Variants in NIPA2 observed in about 807,000 individuals in gnomAD.
NIPA2 encodes NIPA magnesium transporter 2, also known as magnesium transporter NIPA2.
A neutral mutation model predicts 29.7 loss-of-function variants in NIPA2; 11 were observed. That is an observed-to-expected ratio of 0.37 (90% CI 0.23 to 0.61). The LOEUF is 0.61. Among genes scored for constraint, NIPA2 ranks in the 20% least tolerant of loss-of-function variants. The probability of loss-of-function intolerance (pLI) is 0.66; values close to 1 mark genes in which losing one functional copy is unlikely to be tolerated. For synonymous variants in NIPA2, 183 were observed against 161.9 expected, an observed-to-expected ratio of 1.13 and a Z score of -0.99; for missense variants, 426 against 437.9, an observed-to-expected ratio of 0.97 and a Z score of 0.24.
chr15:22,840,155 A>G (rs1308281389), intron 2 of NIPA2, among the ~76,000 whole-genome samples: 3 of 151,932 alleles, frequency 2.0e-5, no homozygotes, highest in African/African-American at 7.3e-5. Context: ...TTCTGGACTT[A>G]AGCGATCCAA....
intron 7 of NIPA2, among the ~76,000 whole-genome samples, chr15:22,864,778 G>C (rs192875704): frequency 6.6e-6 from 1 of 152,152 alleles, no homozygotes; most frequent in African/African-American, 2.4e-5. Context: ...TTATCACAGC[G>C]GATGTGTAGG....
intron 3 of NIPA2, among the ~76,000 whole-genome samples, chr15:22,850,867 C>A (rs907454715): frequency 6.6e-6 from 1 of 152,216 alleles, no homozygotes; most frequent in Non-Finnish European, 1.5e-5. Context: ...GAAAGCTGAT[C>A]TGGCAGTTAG....
chr15:22,866,926 T>A lies in NIPA2; in HGVS notation c.*79T>A, dbSNP rs1367961051. The A allele has an allele frequency of 2.3e-6, 3 of 1,321,436 alleles. No homozygotes were observed. The highest frequency in any genetic ancestry group is 2.3e-5 in the East Asian group (1 of 43,108). The allele number at this position is 1,321,436 out of a possible 1,614,324, so 81.9% of individuals were successfully genotyped here. A position where few individuals can be genotyped will look rare whatever the true frequency, so the allele number is the denominator to read the frequency against. ...CATCAGAATGTGTCTGAAAAAACAT[T>A]GTCCTCAAATAATGTTCTTTAAAGG... On this transcript the variant is annotated 3_prime_UTR_variant, in exon 8 of 8. Transcript: ENST00000337451.
Position 22,845,195 on chromosome 15 carries a change from G to A in NIPA2, c.-166G>A, listed in dbSNP as rs1681275075. The A allele has an allele frequency of 6.6e-6, 1 of 152,190 alleles. No homozygotes were observed. Among genetic ancestry groups the A allele is most frequent in the Admixed American group, 6.5e-5 (1 of 15,282 alleles). 9.4% of individuals were successfully genotyped at this position (152,190 alleles called of 1,614,324 possible). ...CAGTTACAGAGAGAGGGAGCAGAGTGGGACCAGGTCTGAGAATAGTGAAGC... is the reference window on the plus strand; with the variant it reads ...CAGTTACAGAGAGAGGGAGCAGAGTAGGACCAGGTCTGAGAATAGTGAAGC... On this transcript the variant is annotated 5_prime_UTR_variant, in exon 3 of 8. An upstream open reading frame in the 5' UTR gains an earlier in-frame stop. Transcript: ENST00000337451.
At chr15:22,855,392 G>A (rs991551018) in intron 5 of NIPA2, among the ~76,000 whole-genome samples, 18 of 151,988 alleles carry the variant, frequency 1.2e-4, no homozygotes, top group Non-Finnish European at 1.6e-4. Context: ...ACTCCAGCCT[G>A]GGCAACAAGA....
At chr15:22,839,022 C>T (rs990518523) in intron 1 of NIPA2, 101 bp downstream of exon 1, 2 of 152,248 alleles carry the variant, frequency 1.3e-5, no homozygotes, top group African/African-American at 4.8e-5. Flanking sequence ...GGCAACTTTC[C>T]TTTCCGGGTG....
At chr15:22,856,069 G>A (rs1236249786) in intron 5 of NIPA2, among the ~76,000 whole-genome samples, 1 of 152,168 alleles carries the variant, frequency 6.6e-6, no homozygotes, top group Admixed American at 6.5e-5. Flanking sequence ...TTTGAGAGAA[G>A]CCAGCTGCTG....
At position 22,866,780 on chromosome 15, in the gene NIPA2, C is replaced by T; in HGVS notation, c.1016C>T (p.Thr339Ile). The change falls in exon 8 of 8, where the codon ACC becomes ATC. Residue 339 changes from threonine (T) to isoleucine (I), a missense_variant. Coordinates refer to ENST00000337451, the MANE Select transcript of NIPA2 (RefSeq NM_030922.7). ...EVLNNNEESLTCGIEQHTGEN... is the reference protein window; with the variant it reads ...EVLNNNEESLICGIEQHTGEN... Reference sequence around the variant, plus strand: ...CTTAATAATAATGAAGAAAGCTTAACCTGTGGAATCGAACAACACACTGGT... The same window carrying T: ...CTTAATAATAATGAAGAAAGCTTAATCTGTGGAATCGAACAACACACTGGT... 3 of 1,613,152 alleles carry T rather than the reference C, an allele frequency of 1.9e-6. No homozygotes were observed. The highest frequency in any genetic ancestry group is 2.2e-5 in the South Asian group (2 of 90,906).
At chr15:22,854,100 C>G (rs1389161096) in intron 5 of NIPA2, among the ~76,000 whole-genome samples, 1 of 152,072 alleles carries the variant, frequency 6.6e-6, no homozygotes, top group Non-Finnish European at 1.5e-5. Context: ...GCTGGGATTA[C>G]AGGCGTGAGC....
chr15:22,863,125 C>T (rs894524860), intron 7 of NIPA2, among the ~76,000 whole-genome samples: 1 of 150,744 alleles, frequency 6.6e-6, no homozygotes, highest in Non-Finnish European at 1.5e-5. Flanking sequence ...GTCACCCAGG[C>T]TGGAGCACAG....
At chr15:22,862,758 T>C (rs1170999880) in intron 7 of NIPA2, among the ~76,000 whole-genome samples, 1 of 151,992 alleles carries the variant, frequency 6.6e-6, no homozygotes, top group African/African-American at 2.4e-5. Context: ...GGTGTAGAGG[T>C]TTTAAGTGAT....
At chr15:22,859,838 T>C (rs191976341) in intron 6 of NIPA2, among the ~76,000 whole-genome samples, 431 of 152,282 alleles carry the variant, frequency 2.8e-3, no homozygotes, top group Non-Finnish European at 5.2e-3. Context: ...TTGTAGTATT[T>C]TGTTACTGTA....
At chr15:22,845,368 A>G (rs779068235) in intron 3 of NIPA2, 101 bp downstream of exon 3, 5 of 152,124 alleles carry the variant, frequency 3.3e-5, no homozygotes, top group African/African-American at 4.8e-5. Flanking sequence ...CCAGCCCTCC[A>G]CACATACACC....
rs2141732579 is a variant in NIPA2, at chr15:22,867,684, T to TC, written c.*837_*838insC. The TC allele has an allele frequency of 7.8e-6, 1 of 127,498 alleles. No homozygotes were observed. The highest frequency in any genetic ancestry group is 2.7e-5 in the African/African-American group (1 of 37,268). 7.9% of individuals were successfully genotyped at this position (127,498 alleles called of 1,614,324 possible). A position where few individuals can be genotyped will look rare whatever the true frequency, so the allele number is the denominator to read the frequency against. On this transcript the variant is annotated 3_prime_UTR_variant, in exon 8 of 8. Transcript: ENST00000337451. ...GAAATAGAAGACTAGGGTTGTTTCT[T>TC]AAATTTAGCTCATGTTATAATAAAA...
intron 3 of NIPA2, among the ~76,000 whole-genome samples, 155 bp from the exon 4 acceptor site, chr15:22,851,484 A>G (rs1177605801): frequency 6.6e-6 from 1 of 152,172 alleles, no homozygotes. Context: ...AGAAATATAC[A>G]GGTTGGTGCT....
chr15:22,853,047 T>C (rs2057893442), intron 4 of NIPA2, among the ~76,000 whole-genome samples, 165 bp from the exon 5 acceptor site: 1 of 152,164 alleles, frequency 6.6e-6, no homozygotes, highest in Admixed American at 6.5e-5. Context: ...TCATTCACCT[T>C]GGCAAGATAA....
Position 22,843,941 on chromosome 15 carries a change from C to A in NIPA2, c.-215-1205C>A, listed in dbSNP as rs539314170. Among the ~76,000 whole-genome samples the A allele has an allele frequency of 5.4e-4, 82 of 152,258 alleles. No individual in the cohort carries two copies. In the East Asian group the frequency reaches 0.01, roughly 19 times the overall value. ...TCGAACTCCTGGCCTCAGGTGATCT[C>A]CCACCTCGGCCTCCCAAGGTGCTGG... On this transcript the variant is annotated intron_variant, in intron 2 of 7. Coordinates refer to ENST00000337451, the MANE Select transcript of NIPA2 (RefSeq NM_030922.7).
intron 7 of NIPA2, among the ~76,000 whole-genome samples, chr15:22,862,898 CTTTTTTTTTT>C (rs59317671): frequency 1.8e-5 from 2 of 110,286 alleles, no homozygotes; most frequent in African/African-American, 3.6e-5. Flanking sequence ...TGCCTTTATT[CTTTTTTTTTT>C]TTTTTTTTTT....
At chr15:22,860,858 T>G in intron 7 of NIPA2, 69 bp downstream of exon 7, 1 of 1,180,258 alleles carries the variant, frequency 8.5e-7, no homozygotes. Flanking sequence ...TAATCGAAAT[T>G]TGATGAGCAC....
Sources: gnomAD v4.1 joint callset for allele counts (sites outside exome capture counted in the v4.1 genomes callset) on GRCh38, gnomAD v4.1.1 for gene constraint, MANE v1.5 for transcripts, NCBI Gene and HGNC (gene_info 2026-07-23, HGNC 2026-07-21) for gene names.